Variants in SYNE1 observed in about 807,000 individuals in gnomAD.
The protein encoded by SYNE1 is spectrin repeat containing nuclear envelope protein 1.
Under a neutral mutation model 1,111.0 loss-of-function variants are expected in SYNE1, and 616 were observed. The observed-to-expected ratio is 0.55, with a 90% confidence interval of 0.52 to 0.59. SYNE1 has a LOEUF of 0.59. Among genes scored for constraint, SYNE1 ranks in the 20% least tolerant of loss-of-function variants. The pLI is 0.00. For synonymous variants in SYNE1, 3,855 were observed against 3,825.8 expected, an observed-to-expected ratio of 1.01 and a Z score of -0.28; for missense variants, 10,006 against 10,417.0, an observed-to-expected ratio of 0.96 and a Z score of 1.72.
chr6:152,227,863 AAGG>A (rs2081954023), intron 115 of SYNE1, among the ~76,000 whole-genome samples: 1 of 152,174 alleles, frequency 6.6e-6, no homozygotes, highest in Non-Finnish European at 1.5e-5. Context: ...ATAAAAAATA[AAGG>A]TGTGTTTCCC....
chr6:152,338,987 A>C (rs1316600543), intron 75 of SYNE1, among the ~76,000 whole-genome samples: 1 of 152,232 alleles, frequency 6.6e-6, no homozygotes, highest in Non-Finnish European at 1.5e-5. Flanking sequence ...GAGGAGAAAA[A>C]AGAAAGGTTC....
intron 98 of SYNE1, among the ~76,000 whole-genome samples, chr6:152,270,372 T>A (rs562673430): frequency 1.2e-4 from 18 of 152,206 alleles, no homozygotes; most frequent in Admixed American, 4.6e-4. Flanking sequence ...AAAGGTGAGA[T>A]CTCTGAAAAA....
chr6:152,541,051 G>C (rs1382938560), intron 3 of SYNE1, among the ~76,000 whole-genome samples: 1 of 152,162 alleles, frequency 6.6e-6, no homozygotes, highest in African/African-American at 2.4e-5. Flanking sequence ...AATGATTGTT[G>C]CTTTAAACTT....
rs1276199502 is a variant in SYNE1, at chr6:152,350,797, G to A, written c.11581-27C>T. On this transcript the variant is annotated intron_variant, in intron 70 of 145. Coordinates refer to ENST00000367255, the MANE Select transcript of SYNE1 (RefSeq NM_182961.4). The stretch of plus-strand genomic sequence containing the variant: ...TTGAATTACAAAGAAAAAAAAATGA[G>A]CCTGCTCATCTCCGTGGACAAGATG... 3.1e-6 allele frequency: 5 copies of A among 1,613,478 alleles called. No individual in the cohort carries two copies. In the African/African-American group the frequency reaches 5.4e-5, roughly 17 times the overall value.
intron 28 of SYNE1, among the ~76,000 whole-genome samples, chr6:152,448,174 A>G (rs2098608695): frequency 6.6e-6 from 1 of 152,252 alleles, no homozygotes; most frequent in African/African-American, 2.4e-5. Flanking sequence ...AGCAAGAAGT[A>G]TAAATGGGAG....
intron 4 of SYNE1, among the ~76,000 whole-genome samples, chr6:152,536,788 A>C (rs1335533346): frequency 6.6e-6 from 1 of 151,806 alleles, no homozygotes. Context: ...TATCAAGTCC[A>C]CTCCTAAACA....
intron 129 of SYNE1, 81 bp downstream of exon 129, chr6:152,180,055 G>T: frequency 6.8e-7 from 1 of 1,476,024 alleles, no homozygotes; most frequent in South Asian, 1.1e-5. Context: ...GTAATTGTGA[G>T]TAAAGCCACC....
rs1270194635 is a variant in SYNE1, at chr6:152,218,742, T to C, written c.22044+261A>G. On this transcript the variant is annotated intron_variant, in intron 120 of 145. Coordinates refer to ENST00000367255, the MANE Select transcript of SYNE1 (RefSeq NM_182961.4). ...ATATTTATATTAAAGCCGCTTAGTG[T>C]TTATTAATTGAACAGGCCATGGTGG... Among the ~76,000 whole-genome samples, 3 of 152,330 alleles carry C rather than the reference T, an allele frequency of 2.0e-5. No homozygotes were observed. In the East Asian group the frequency reaches 5.8e-4, roughly 29 times the overall value.
At position 152,466,030 on chromosome 6, in the gene SYNE1, G is replaced by T; in HGVS notation, c.1681C>A (p.Gln561Lys). 1 of 1,612,676 alleles carries T rather than the reference G, an allele frequency of 6.2e-7. No individual in the cohort carries two copies. Among genetic ancestry groups the T allele is most frequent in the Non-Finnish European group, 8.5e-7 (1 of 1,179,108 alleles). Residue 561 changes from glutamine (Q) to lysine (K), a missense_variant, in exon 17 of 146, where the codon CAG becomes AAG. Physicochemically the swap from Gln to Lys is moderately conservative, Grantham distance 53. Transcript: ENST00000367255. Reference sequence around the variant, plus strand: ...ATCTCAGCTGTCTGTTTCAAGATCTGGTATGTCACCTCATATTGTTCAAAG... The same window carrying T: ...ATCTCAGCTGTCTGTTTCAAGATCTTGTATGTCACCTCATATTGTTCAAAG... ...KFFEQYEVTYQILKQTAEMYV... is the reference protein window; with the variant it reads ...KFFEQYEVTYKILKQTAEMYV...
At chr6:152,408,821 C>T (rs149625564) in intron 44 of SYNE1, among the ~76,000 whole-genome samples, 214 of 152,140 alleles carry the variant, frequency 1.4e-3, no homozygotes, top group Non-Finnish European at 1.9e-3. Context: ...GGCATGGTGG[C>T]GCATGCCTGT....
At chr6:152,430,026 TA>T in intron 36 of SYNE1, 85 bp downstream of exon 36, 1 of 933,704 alleles carries the variant, frequency 1.1e-6, no homozygotes, top group Non-Finnish European at 1.7e-6. Context: ...TCAATTCTCT[TA>T]AAAAGTTTAC....
chr6:152,226,326 CCCAA>C (rs774930030), intron 115 of SYNE1, among the ~76,000 whole-genome samples: 1 of 44,490 alleles, frequency 2.2e-5, no homozygotes, highest in African/African-American at 7.2e-5. Context: ...TACTCACCTA[CCCAA>C]AGCTGAGTCA....
At chr6:152,344,332 C>T (rs1402598143) in intron 73 of SYNE1, 105 bp from the exon 74 acceptor site, 1 of 1,541,862 alleles carries the variant, frequency 6.5e-7, no homozygotes, top group African/African-American at 1.4e-5. Context: ...TGGATTTTCC[C>T]CCCAAGATTC....
intron 76 of SYNE1, 27 bp from the exon 77 acceptor site, chr6:152,334,300 T>C (rs776881118): frequency 9.9e-6 from 16 of 1,610,994 alleles, no homozygotes; most frequent in Non-Finnish European, 1.3e-5. Flanking sequence ...ACAAAAAATA[T>C]GTAATGTGTT....
chr6:152,249,410 G>A, intron 104 of SYNE1, 148 bp from the exon 105 acceptor site: 1 of 684,058 alleles, frequency 1.5e-6, no homozygotes, highest in African/African-American at 1.8e-5. Context: ...AAGGTAAAAG[G>A]AACTGGTAAC....
intron 61 of SYNE1, chr6:152,367,590 G>T: frequency 1.7e-6 from 1 of 598,656 alleles, no homozygotes. Flanking sequence ...AAAAAAAAAA[G>T]TTACAATTTT....
rs1563462386 is a variant in SYNE1, at chr6:152,371,910, AAGGAAAGGAAAGGACAGGACAGGAC to A, written c.9507+1102_9507+1126del. 1.7e-3 allele frequency among the ~76,000 whole-genome samples: 80 copies of A among 46,772 alleles called. 1 individual carries two copies. Among genetic ancestry groups the A allele is most frequent in the South Asian group, 6.2e-3 (12 of 1,946 alleles). 30.7% of individuals were successfully genotyped at this position (46,772 alleles called of 152,430 possible). On this transcript the variant is annotated intron_variant, in intron 59 of 145. Coordinates refer to ENST00000367255, the MANE Select transcript of SYNE1 (RefSeq NM_182961.4). ...AAGGAAAGGAAAGGAAAGGAAAGGA[AAGGAAAGGAAAGGACAGGACAGGAC>A]AGGAAAGGAAAGGAAAGGAAAGGAA...
Position 152,401,138 on chromosome 6 carries a change from C to T in SYNE1, c.7029G>A (p.Lys2343=), listed in dbSNP as rs1175436587. The T allele has an allele frequency of 6.2e-7, 1 of 1,613,758 alleles. No homozygotes were observed. Among genetic ancestry groups the T allele is most frequent in the Admixed American group, 1.7e-5 (1 of 59,992 alleles). The change falls in exon 47 of 146, where the codon AAG becomes AAA. Residue 2343 remains lysine (K), a splice_region_variant and synonymous_variant. Coordinates refer to ENST00000367255, the MANE Select transcript of SYNE1 (RefSeq NM_182961.4). ...CACTTAATGATAGTTTATTACCTAC[C>T]TTGACTTTTTTCAATGCTTCACAAG... ...NETCEALKKV[K]DIQKELQSQQ...
intron 91 of SYNE1, among the ~76,000 whole-genome samples, chr6:152,303,098 C>CTTTTTTTTTTTTTTTTTTTTTTTT (rs71017533): frequency 9.3e-6 from 1 of 107,088 alleles, no homozygotes. Context: ...AACTATTATT[C>CTTTTTTTTTTTTTTTTTTTTTTTT]TTTTTTTTTT....
Sources: gnomAD v4.1 joint callset for allele counts (sites outside exome capture counted in the v4.1 genomes callset) on GRCh38, gnomAD v4.1.1 for gene constraint, MANE v1.5 for transcripts, NCBI Gene and HGNC (gene_info 2026-07-23, HGNC 2026-07-21) for gene names.